The following CCDC80 variants were observed in gnomAD, a reference collection of about 807,000 sequenced individuals.
CCDC80 encodes the protein coiled-coil domain-containing protein 80.
CCDC80 carries 49 observed loss-of-function variants against 78.7 expected under a neutral mutation model. The ratio of observed to expected loss-of-function variants is 0.62; its 90% CI spans 0.50 to 0.79. The LOEUF is 0.79. Among genes scored for constraint, CCDC80 ranks in the 30% least tolerant of loss-of-function variants. CCDC80 has a pLI of 0.00. For synonymous variants in CCDC80, 488 were observed against 447.0 expected (o/e 1.09, Z -1.16); for missense variants, 1,205 against 1,198.6 (o/e 1.01, Z -0.08).
chr3:112,635,327 C>T (rs3843367), intron 2 of CCDC80, among the ~76,000 whole-genome samples: 139,754 of 152,240 alleles, frequency 0.92, 65,320 homozygotes, highest in East Asian at 1. Flanking sequence ...TGCTTTCAGT[C>T]TGAGTATACT....
At chr3:112,623,643 A>G (rs1935910834) in intron 3 of CCDC80, among the ~76,000 whole-genome samples, 1 of 152,120 alleles carries the variant, frequency 6.6e-6, no homozygotes, top group Non-Finnish European at 1.5e-5. Context: ...GTTGTTATAC[A>G]CTCTAAAAAC....
At chr3:112,617,240 A>G (rs1324893213) in intron 4 of CCDC80, among the ~76,000 whole-genome samples, 2 of 152,214 alleles carry the variant, frequency 1.3e-5, no homozygotes, top group Non-Finnish European at 2.9e-5. Context: ...ATGGAATAAC[A>G]TGTTCAAGTG....
intron 3 of CCDC80, among the ~76,000 whole-genome samples, chr3:112,620,628 G>A (rs16859849): frequency 0.033 from 5,023 of 152,098 alleles, 208 homozygotes; most frequent in East Asian, 0.13. Flanking sequence ...AAGTCCACAG[G>A]AAAAGGTGAA....
At position 112,605,488 on chromosome 3, in the gene CCDC80, G is replaced by A; in HGVS notation, c.2782C>T (p.Gln928Ter). The A allele has an allele frequency of 6.2e-7, 1 of 1,614,108 alleles. No individual in the cohort carries two copies. Among genetic ancestry groups the A allele is most frequent in the Non-Finnish European group, 8.5e-7 (1 of 1,179,992 alleles). Residue 928 changes from glutamine to a stop codon, truncating the protein, a stop_gained, in exon 8 of 8, where the codon CAA becomes TAA. Transcript: ENST00000206423. LOFTEE classifies it high-confidence loss of function. Reference sequence around the variant, plus strand: ...TCCTGGTAACCATCCTGGTATCCTTGGTGGTAACTATGGTAACCATAGCCT... The same window carrying A: ...TCCTGGTAACCATCCTGGTATCCTTAGTGGTAACTATGGTAACCATAGCCT... ...YAGYGYHSYH[Q>*]GYQDGYQDDY...
chr3:112,608,227 A>T (rs1935552285), intron 6 of CCDC80, among the ~76,000 whole-genome samples: 1 of 152,252 alleles, frequency 6.6e-6, no homozygotes. Context: ...CCTAGTCAGG[A>T]TAATAACTTG....
chr3:112,611,392 A>G (rs192314711), intron 5 of CCDC80, among the ~76,000 whole-genome samples: 1 of 152,342 alleles, frequency 6.6e-6, no homozygotes, highest in Non-Finnish European at 1.5e-5. Flanking sequence ...GACATTATCC[A>G]TCACGGCACC....
intron 3 of CCDC80, among the ~76,000 whole-genome samples, chr3:112,619,503 A>G (rs2107481154): frequency 6.6e-6 from 1 of 152,306 alleles, no homozygotes. Flanking sequence ...TCCATTAAAC[A>G]TAATTCTGAG....
rs1444138880 is a variant in CCDC80 at position 112,598,322 on chromosome 3, T to C, written c.*7095A>G. The C allele has an allele frequency of 5.3e-5, 8 of 152,348 alleles. No homozygotes were observed. The East Asian group carries it at 1.5e-3, about 29-fold the overall frequency. The allele number at this position is 152,348 out of a possible 1,614,324, so 9.4% of individuals were successfully genotyped here. The stretch of plus-strand genomic sequence containing the variant: ...TCCCTACCTCTCTTTTTCTTGGATA[T>C]CTTTTTGCATTATAGATAGCCTTGG... On this transcript the variant is annotated 3_prime_UTR_variant, in exon 8 of 8. Coordinates refer to ENST00000206423, the MANE Select transcript of CCDC80 (RefSeq NM_199511.3).
chr3:112,616,271 G>A lies in CCDC80; in HGVS notation c.2321+439C>T, dbSNP rs571518552. Among the ~76,000 whole-genome samples the A allele has an allele frequency of 1.5e-4, 23 of 152,092 alleles. No individual in the cohort carries two copies. The East Asian group carries it at 3.9e-3, about 26-fold the overall frequency. On this transcript the variant is annotated intron_variant, in intron 5 of 7. Coordinates refer to ENST00000206423, the MANE Select transcript of CCDC80 (RefSeq NM_199511.3). ...GTTTCCTGCAGAGTTGGAAGGAAGC[G>A]GAAAATCAAGCACAGTGTGCCAAAT...
At chr3:112,640,038 GT>G in intron 1 of CCDC80, 122 bp from the exon 2 acceptor site, 2 of 1,438,708 alleles carry the variant, frequency 1.4e-6, no homozygotes, top group Non-Finnish European at 1.8e-6. Context: ...AGGGGAAAAG[GT>G]TGGTTAGAGA....
At chr3:112,618,370 T>C (rs984685926) in intron 4 of CCDC80, among the ~76,000 whole-genome samples, 13 of 151,928 alleles carry the variant, frequency 8.6e-5, no homozygotes, top group Admixed American at 8.5e-4. Context: ...AATACAAAAA[T>C]AAAATTAGCC....
At chr3:112,607,114 CTT>C (rs1935529350) in intron 7 of CCDC80, 60 bp downstream of exon 7, 7 of 1,258,516 alleles carry the variant, frequency 5.6e-6, no homozygotes, top group Non-Finnish European at 6.9e-6. Flanking sequence ...TTGCATATAA[CTT>C]AATGTAATTT....
In CCDC80 at chr3:112,599,382, G is replaced by GAAAGA. The variant is rs1935337157; in HGVS notation, c.*6034_*6035insTCTTT. The GAAAGA allele has an allele frequency of 6.6e-6, 1 of 152,164 alleles. No homozygotes were observed. The highest frequency in any genetic ancestry group is 1.5e-5 in the Non-Finnish European group (1 of 68,062). 9.4% of individuals were successfully genotyped at this position (152,164 alleles called of 1,614,324 possible). A position where few individuals can be genotyped will look rare whatever the true frequency, so the allele number is the denominator to read the frequency against. On this transcript the variant is annotated 3_prime_UTR_variant, in exon 8 of 8. Transcript: ENST00000206423. The stretch of plus-strand genomic sequence containing the variant: ...TTTACACAACTCAGAGAGAACTGAG[G>GAAAGA]AAAGTAGTTAGCATGTTAACTGTGC...
At position 112,604,432 on chromosome 3, in the gene CCDC80, A is replaced by C. The variant is rs1034955391; in HGVS notation, c.*985T>G. 1 of 152,254 alleles carries C rather than the reference A, an allele frequency of 6.6e-6. No homozygotes were observed. The highest frequency in any genetic ancestry group is 1.5e-5 in the Non-Finnish European group (1 of 68,052). 9.4% of individuals were successfully genotyped at this position (152,254 alleles called of 1,614,324 possible). A position where few individuals can be genotyped will look rare whatever the true frequency, so the allele number is the denominator to read the frequency against. On this transcript the variant is annotated 3_prime_UTR_variant, in exon 8 of 8. Coordinates refer to ENST00000206423, the MANE Select transcript of CCDC80 (RefSeq NM_199511.3). ...TCAATGCAAAAAGATTATGATCATT[A>C]GCAATTTTTAGCAATAAAGTATTTT...
At position 112,616,773 on chromosome 3, in the gene CCDC80, T is replaced by G; in HGVS notation, c.2258A>C (p.Gln753Pro). ...FQSRIKDMEK[Q>P]KKEGIVCKED... ...TTTGCAAACAATGCCCTCCTTCTTCTGCTTCTCCATATCTTTGATTCGGGA... is the reference window on the plus strand; with the variant it reads ...TTTGCAAACAATGCCCTCCTTCTTCGGCTTCTCCATATCTTTGATTCGGGA... Residue 753 changes from glutamine to proline, a missense_variant, in exon 5 of 8, where the codon CAG becomes CCG. By Grantham distance (76) the Gln-to-Pro change is moderately conservative. Transcript: ENST00000206423. 3.1e-6 allele frequency: 5 copies of G among 1,614,238 alleles called. No individual in the cohort carries two copies. Among genetic ancestry groups the G allele is most frequent in the Non-Finnish European group, 4.2e-6 (5 of 1,180,026 alleles).
chr3:112,639,810 G>T lies in CCDC80; in HGVS notation c.96C>A (p.Ser32Arg). The T allele has an allele frequency of 6.2e-6, 10 of 1,614,194 alleles. No homozygotes were observed. Among genetic ancestry groups the T allele is most frequent in the Non-Finnish European group, 8.5e-6 (10 of 1,180,042 alleles). ...CCAAAGGCACTTTCCGTCCTCCGTG[G>T]CTGCCTCTAATAGTGGCATGGGGGT... ...EPHPHATIRG[S>R]HGGRKVPLVS... Residue 32 changes from serine (S) to arginine (R), a missense_variant, in exon 2 of 8, where the codon AGC (serine) becomes AGA (arginine). Physicochemically the swap from Ser to Arg is moderately radical, Grantham distance 110 (BLOSUM62 -1). Coordinates refer to ENST00000206423, the MANE Select transcript of CCDC80 (RefSeq NM_199511.3).
Position 112,621,187 on chromosome 3 carries a change from C to T in CCDC80, c.2036-2083G>A, listed in dbSNP as rs573618714. ...TCCTGCCTCTTGACTCTGAGCGCAT[C>T]TATATCACTTGCTTTGGCCAATGGG... On this transcript the variant is annotated intron_variant, in intron 3 of 7. Transcript: ENST00000206423. Among the ~76,000 whole-genome samples, 140 of 152,324 alleles carry T rather than the reference C, an allele frequency of 9.2e-4. 3 individuals carry two copies. In the South Asian group the frequency reaches 0.028, roughly 30 times the overall value.
chr3:112,638,431 G>A lies in CCDC80; in HGVS notation c.1475C>T (p.Pro492Leu). The change falls in exon 2 of 8, where the codon CCT becomes CTT. Residue 492 changes from proline to leucine, a missense_variant. Pro to Leu is a moderately conservative substitution (Grantham distance 98). Coordinates refer to ENST00000206423, the MANE Select transcript of CCDC80 (RefSeq NM_199511.3). ...PGPPKPAKEK[P>L]PKKKAQDKIL... ...TTTGTCCTGGGCCTTCTTTTTGGGA[G>A]GTTTCTCCTTTGCTGGCTTGGGAGG... 1 of 1,613,338 alleles carries A rather than the reference G, an allele frequency of 6.2e-7. No individual in the cohort carries two copies. Among genetic ancestry groups the A allele is most frequent in the Non-Finnish European group, 8.5e-7 (1 of 1,179,944 alleles).
At chr3:112,619,835 G>A (rs1179625217) in intron 3 of CCDC80, among the ~76,000 whole-genome samples, 1 of 152,148 alleles carries the variant, frequency 6.6e-6, no homozygotes, top group African/African-American at 2.4e-5. Flanking sequence ...GATACTAGTG[G>A]CTTTACATGG....
Sources: gnomAD v4.1 joint callset for allele counts (sites outside exome capture counted in the v4.1 genomes callset) on GRCh38, gnomAD v4.1.1 for gene constraint, MANE v1.5 for transcripts, NCBI Gene and HGNC (gene_info 2026-07-23, HGNC 2026-07-21) for gene names.